RAP1GDS1: variants seen among roughly 807,000 people sequenced by gnomAD.
The protein encoded by RAP1GDS1 is Rap1 GTPase-GDP dissociation stimulator 1.
In RAP1GDS1, 35 loss-of-function variants were observed where a neutral mutation model predicts 71.1. That is an observed-to-expected ratio of 0.49 (90% CI 0.38 to 0.65). The LOEUF (loss-of-function observed/expected upper bound fraction) is 0.65, where lower values mean the gene tolerates loss of function less well. Ranked by LOEUF, RAP1GDS1 falls within the 30% of genes least tolerant of loss-of-function variation. The pLI is 0.00. For synonymous variants in RAP1GDS1, 229 were observed against 243.1 expected (o/e 0.94, Z 0.54); for missense variants, 663 against 706.1 (o/e 0.94, Z 0.69).
intron 1 of RAP1GDS1, among the ~76,000 whole-genome samples, chr4:98,269,972 A>G (rs1723227781): frequency 6.6e-6 from 1 of 152,148 alleles, no homozygotes. Context: ...AGACTGGGTA[A>G]TATATAAAGA....
In RAP1GDS1 at chr4:98,439,036, C is replaced by T. The variant is rs531625433; in HGVS notation, c.1696+1968C>T. Among the ~76,000 whole-genome samples the T allele has an allele frequency of 1.8e-4, 28 of 152,294 alleles. No individual in the cohort carries two copies. The South Asian group carries it at 5.4e-3, about 29-fold the overall frequency. ...AGAGAAGGGAAGTCTATCGTATTTA[C>T]GCACATTTTTAGATTTCTTATTTTT... On this transcript the variant is annotated intron_variant, in intron 14 of 14. Transcript: ENST00000408927.
At chr4:98,320,248 C>G (rs1025591554) in intron 2 of RAP1GDS1, among the ~76,000 whole-genome samples, 1 of 152,086 alleles carries the variant, frequency 6.6e-6, no homozygotes, top group Non-Finnish European at 1.5e-5. Flanking sequence ...CTTTTATCAG[C>G]AATAATTAAA....
chr4:98,443,019 T>TTTTTTTTTTTTTTTTTTTTTTG lies in RAP1GDS1; in HGVS notation c.*921_*922insTTGTTTTTTTTTTTTTTTTTTT, dbSNP rs1752076340. On this transcript the variant is annotated 3_prime_UTR_variant, in exon 15 of 15. Coordinates refer to ENST00000408927, the MANE Select transcript of RAP1GDS1 (RefSeq NM_001100427.2). ...TATAGTTCATTGAAGAATGGAATTTTTTTTTTTTTTTTTTTTTTTGCTGTT... is the reference window on the plus strand; with the variant it reads ...TATAGTTCATTGAAGAATGGAATTTTTTTTTTTTTTTTTTTTTTTTTGTTTTTTTTTTTTTTTTTTTGCTGTT... 5.2e-6 allele frequency: 1 copy of TTTTTTTTTTTTTTTTTTTTTTG among 191,020 alleles called. No individual in the cohort carries two copies. Among genetic ancestry groups the TTTTTTTTTTTTTTTTTTTTTTG allele is most frequent in the Non-Finnish European group, 9.9e-6 (1 of 101,322 alleles). 11.8% of individuals were successfully genotyped at this position (191,020 alleles called of 1,614,324 possible).
At chr4:98,272,502 G>A (rs114929296) in intron 1 of RAP1GDS1, among the ~76,000 whole-genome samples, 2,125 of 152,274 alleles carry the variant, frequency 0.014, 45 homozygotes, top group African/African-American at 0.048. Flanking sequence ...CTTTTGAAGC[G>A]TTGGTTGTGC....
At chr4:98,361,092 AAG>A (rs1294148793) in intron 4 of RAP1GDS1, among the ~76,000 whole-genome samples, 3 of 151,654 alleles carry the variant, frequency 2.0e-5, no homozygotes, top group East Asian at 1.9e-4. Flanking sequence ...AAAAAAAAAA[AAG>A]AGTGAATAAT....
In RAP1GDS1 at chr4:98,374,678, G is replaced by A. The variant is rs142677927; in HGVS notation, c.362-4339G>A. Among the ~76,000 whole-genome samples the A allele has an allele frequency of 3.6e-3, 541 of 152,308 alleles. 3 individuals carry two copies. Among genetic ancestry groups the A allele is most frequent in the African/African-American group, 0.012 (507 of 41,568 alleles). Reference sequence around the variant, plus strand: ...CCAGTCTAGTCAGGAGTCGAACTAGGTTCATGTTTTGTTGTTGCTCACCTT... The same window carrying A: ...CCAGTCTAGTCAGGAGTCGAACTAGATTCATGTTTTGTTGTTGCTCACCTT... On this transcript the variant is annotated intron_variant, in intron 4 of 14. Coordinates refer to ENST00000408927, the MANE Select transcript of RAP1GDS1 (RefSeq NM_001100427.2).
At chr4:98,310,809 TAAAAAA>T (rs148479348) in intron 2 of RAP1GDS1, among the ~76,000 whole-genome samples, 1 of 148,610 alleles carries the variant, frequency 6.7e-6, no homozygotes, top group Admixed American at 6.7e-5. Flanking sequence ...GACTTATTGC[TAAAAAA>T]AAAAGATTTA....
At chr4:98,326,203 T>C (rs1371497792) in intron 2 of RAP1GDS1, among the ~76,000 whole-genome samples, 5 of 152,222 alleles carry the variant, frequency 3.3e-5, no homozygotes, top group African/African-American at 7.2e-5. Context: ...TTTTTAAATA[T>C]TGAATTTCCT....
intron 2 of RAP1GDS1, among the ~76,000 whole-genome samples, chr4:98,341,386 A>ATTGTT (rs577884628): frequency 1.0e-3 from 157 of 152,288 alleles, no homozygotes; most frequent in Middle Eastern, 3.4e-3. Context: ...AAGAGTTAGC[A>ATTGTT]TTGTTTTGTT....
chr4:98,401,407 A>G lies in RAP1GDS1; in HGVS notation c.638-3070A>G, dbSNP rs1157899384. On this transcript the variant is annotated intron_variant, in intron 6 of 14. Transcript: ENST00000408927. The stretch of plus-strand genomic sequence containing the variant: ...GAGAGTATGGTGAACACAGGAAAGA[A>G]AGAAAACTAGTGTTTCATCTTTCAT... Among the ~76,000 whole-genome samples the G allele has an allele frequency of 1.5e-4, 23 of 152,234 alleles. 1 individual carries two copies. The highest frequency in any genetic ancestry group is 2.8e-4 in the Non-Finnish European group (19 of 68,040).
chr4:98,324,778 G>A (rs1240132282), intron 2 of RAP1GDS1, among the ~76,000 whole-genome samples: 1 of 148,266 alleles, frequency 6.7e-6, no homozygotes, highest in Non-Finnish European at 1.5e-5. Context: ...ATTCAAGATG[G>A]ATTAAAGATT....
intron 12 of RAP1GDS1, among the ~76,000 whole-genome samples, chr4:98,430,376 TAA>T (rs1750229782): frequency 6.6e-6 from 1 of 152,232 alleles, no homozygotes; most frequent in Admixed American, 6.5e-5. Context: ...AGCAGAACTA[TAA>T]AGTGTGTTAA....
At chr4:98,318,844 A>C (rs2110335473) in intron 2 of RAP1GDS1, among the ~76,000 whole-genome samples, 1 of 152,358 alleles carries the variant, frequency 6.6e-6, no homozygotes, top group Middle Eastern at 3.4e-3. Context: ...ACGGCATGCA[A>C]TTTAAAACTT....
chr4:98,401,791 A>G (rs780129635), intron 6 of RAP1GDS1, among the ~76,000 whole-genome samples: 30 of 152,220 alleles, frequency 2.0e-4, no homozygotes, highest in Non-Finnish European at 3.5e-4. Flanking sequence ...ATAATGGTGC[A>G]TAATTTCCTT....
chr4:98,306,045 G>A (rs1729275950), intron 2 of RAP1GDS1, among the ~76,000 whole-genome samples: 1 of 152,158 alleles, frequency 6.6e-6, no homozygotes, highest in Non-Finnish European at 1.5e-5. Flanking sequence ...TTGTTCTGCT[G>A]TGTCTTTCTA....
chr4:98,383,596 G>C (rs1467872037), intron 5 of RAP1GDS1, among the ~76,000 whole-genome samples: 1 of 151,362 alleles, frequency 6.6e-6, no homozygotes, highest in Non-Finnish European at 1.5e-5. Flanking sequence ...TGGTTGAAGG[G>C]AGGCCATGTA....
intron 4 of RAP1GDS1, among the ~76,000 whole-genome samples, chr4:98,374,078 G>GGTAA (rs1469983891): frequency 3.3e-5 from 5 of 151,946 alleles, no homozygotes; most frequent in Non-Finnish European, 5.9e-5. Flanking sequence ...ATTGACCATG[G>GGTAA]GTAACAAACT....
At chr4:98,275,134 A>C (rs1724018722) in intron 1 of RAP1GDS1, among the ~76,000 whole-genome samples, 1 of 151,850 alleles carries the variant, frequency 6.6e-6, no homozygotes, top group South Asian at 2.1e-4. Flanking sequence ...TGTCTTGCGA[A>C]TGTGATGAGT....
chr4:98,268,940 G>T (rs1723060786), intron 1 of RAP1GDS1, among the ~76,000 whole-genome samples: 1 of 151,968 alleles, frequency 6.6e-6, no homozygotes, highest in African/African-American at 2.4e-5. Flanking sequence ...ACTTTTCACA[G>T]AAATAGCAAA....
Sources: gnomAD v4.1 joint callset for allele counts (sites outside exome capture counted in the v4.1 genomes callset) on GRCh38, gnomAD v4.1.1 for gene constraint, MANE v1.5 for transcripts, NCBI Gene and HGNC (gene_info 2026-07-23, HGNC 2026-07-21) for gene names.